The following ASB14 variants were observed in gnomAD, a reference collection of about 807,000 sequenced individuals.
ASB14 encodes the protein ankyrin repeat and SOCS box protein 14.
ASB14 carries 63 observed loss-of-function variants against 55.6 expected under a neutral mutation model. The observed-to-expected ratio is 1.13, with a 90% CI of 0.92 to 1.40. ASB14 has a LOEUF of 1.40. ASB14 is among the 40% of genes most tolerant of loss of function. ASB14 has a pLI of 0.00. For synonymous variants in ASB14, 256 were observed against 259.9 expected (o/e 0.98, Z 0.15); for missense variants, 724 against 710.4 (o/e 1.02, Z -0.22).
At position 57,269,559 on chromosome 3, in the gene ASB14, C is replaced by T. The variant is rs1234269127; in HGVS notation, c.*82G>A. On this transcript the variant is annotated 3_prime_UTR_variant, in exon 11 of 11. Coordinates refer to ENST00000487349, the MANE Select transcript of ASB14 (RefSeq NM_001142733.3). ...CCACTAGGACTTGGAAGAACAAAGTCGGTTGATAGCTGCTTCCAGTAGACC... is the reference window on the plus strand; with the variant it reads ...CCACTAGGACTTGGAAGAACAAAGTTGGTTGATAGCTGCTTCCAGTAGACC... 31 of 1,613,652 alleles carry T rather than the reference C, an allele frequency of 1.9e-5. No homozygotes were observed. Among genetic ancestry groups the T allele is most frequent in the Middle Eastern group, 1.7e-4 (1 of 6,060 alleles).
At chr3:57,269,845 A>G (rs1039289464) in intron 10 of ASB14, 31 of 856,582 alleles carry the variant, frequency 3.6e-5, no homozygotes, top group Non-Finnish European at 5.0e-5. Context: ...GAACTTGATG[A>G]CTTAGGTTTG....
At chr3:57,284,940 TG>T (rs1377336178) in intron 5 of ASB14, among the ~76,000 whole-genome samples, 3 of 57,820 alleles carry the variant, frequency 5.2e-5, no homozygotes, top group African/African-American at 1.6e-4. Flanking sequence ...TTTTCAGTGT[TG>T]TTTTTTTTTT....
rs567239734 is a variant in ASB14, at chr3:57,281,690, C to T, written c.716-1217G>A. On this transcript the variant is annotated intron_variant, in intron 6 of 10. Coordinates refer to ENST00000487349, the MANE Select transcript of ASB14 (RefSeq NM_001142733.3). ...ACAACCCCCAGCAGTAGGTGCTTAA[C>T]ATACTCATTTTAAAGATGAAGAAAC... 2.0e-5 allele frequency among the ~76,000 whole-genome samples: 3 copies of T among 152,240 alleles called. No homozygotes were observed. The South Asian group carries it at 6.2e-4, about 32-fold the overall frequency.
chr3:57,292,065 G>C lies in ASB14; in HGVS notation c.-32C>G. 1.3e-6 allele frequency: 2 copies of C among 1,524,232 alleles called. No homozygotes were observed. The highest frequency in any genetic ancestry group is 1.8e-6 in the Non-Finnish European group (2 of 1,139,596). The allele number at this position is 1,524,232 out of a possible 1,614,324, so 94.4% of individuals were successfully genotyped here. ...CGTGGACAGGTTTACTTTAAAGTCA[G>C]AGTGAATTAAAAGTATTTTTCCAGT... On this transcript the variant is annotated 5_prime_UTR_variant, in exon 2 of 11. Coordinates refer to ENST00000487349, the MANE Select transcript of ASB14 (RefSeq NM_001142733.3).
chr3:57,273,671 T>C (rs1355456176), intron 10 of ASB14, among the ~76,000 whole-genome samples: 2 of 152,188 alleles, frequency 1.3e-5, no homozygotes, highest in Non-Finnish European at 2.9e-5. Flanking sequence ...TGACTGTTTT[T>C]CTTTTAGCAA....
intron 10 of ASB14, chr3:57,272,670 G>A (rs904575541): frequency 6.6e-5 from 10 of 152,140 alleles, no homozygotes; most frequent in Non-Finnish European, 1.0e-4. Flanking sequence ...TGTGATCTTG[G>A]GTCACTGCAA....
At chr3:57,289,158 C>G in intron 2 of ASB14, 35 bp from the exon 3 acceptor site, 1 of 1,399,330 alleles carries the variant, frequency 7.1e-7, no homozygotes, top group Non-Finnish European at 9.8e-7. Context: ...AATTCCAAAA[C>G]TGAGGAGAAA....
chr3:57,268,623 C>G lies in ASB14; in HGVS notation c.*1018G>C, dbSNP rs957045529. ...CCACTTCATAAACAGATGATTCATA[C>G]CATAGCAGAAAAGGGTCACATCTGT... is the stretch of plus-strand genomic sequence containing the variant. On this transcript the variant is annotated 3_prime_UTR_variant, in exon 11 of 11. Coordinates refer to ENST00000487349, the MANE Select transcript of ASB14 (RefSeq NM_001142733.3). The G allele has an allele frequency of 1.9e-5, 19 of 983,150 alleles. No homozygotes were observed. Among genetic ancestry groups the G allele is most frequent in the African/African-American group, 1.6e-5 (1 of 61,788 alleles). 60.9% of individuals were successfully genotyped at this position (983,150 alleles called of 1,614,324 possible). A position where few individuals can be genotyped will look rare whatever the true frequency, so the allele number is the denominator to read the frequency against.
At chr3:57,285,273 A>G (rs1377500949) in intron 5 of ASB14, among the ~76,000 whole-genome samples, 1 of 150,092 alleles carries the variant, frequency 6.7e-6, no homozygotes, top group Admixed American at 6.6e-5. Context: ...TAAAAGTTAT[A>G]CATGTACAGA....
At chr3:57,283,577 A>T in intron 5 of ASB14, 138 bp from the exon 6 acceptor site, 1 of 839,010 alleles carries the variant, frequency 1.2e-6, no homozygotes, top group Non-Finnish European at 1.8e-6. Context: ...TTTAGGAAAC[A>T]GATTGTAAAG....
rs1297832386 is a variant in ASB14, at chr3:57,288,043, C to T, written c.327G>A (p.Leu109=). ...CACCATTGTGAGTGGTTTGCTCCCA[C>T]AGACTGGGGTCTGAAGCTGAAATAA... ...EITLSASDPS[L]WEQTTHNGET... is the part of the protein sequence containing the mutation. Residue 109 remains leucine (L), a synonymous_variant, in exon 5 of 11, where the codon CTG becomes CTA. Transcript: ENST00000487349. The T allele has an allele frequency of 6.5e-7, 1 of 1,537,396 alleles. No individual in the cohort carries two copies. The highest frequency in any genetic ancestry group is 2.0e-5 in the Admixed American group (1 of 51,004).
chr3:57,284,941 G>GTTT (rs10648367), intron 5 of ASB14, among the ~76,000 whole-genome samples: 13,790 of 131,990 alleles, frequency 0.1, 1,012 homozygotes, highest in African/African-American at 0.15. Flanking sequence ...TTTCAGTGTT[G>GTTT]TTTTTTTTTT....
Position 57,280,435 on chromosome 3 carries a change from T to G in ASB14, c.754A>C (p.Ile252Leu), listed in dbSNP as rs1197052762. ...CCTCCACTTGCGGCTTCAAGTAAGA[T>G]GGAAGAAGAATCAGAGGCCTGACCA... ...AHGQASDSSSILLEAASGGNP... is the reference protein window; with the variant it reads ...AHGQASDSSSLLLEAASGGNP... The change falls in exon 7 of 11, where the codon ATC becomes CTC. Residue 252 changes from isoleucine to leucine, a missense_variant. Ile to Leu is a conservative substitution (Grantham distance 5, BLOSUM62 2). Coordinates refer to ENST00000487349, the MANE Select transcript of ASB14 (RefSeq NM_001142733.3). 2 of 1,551,310 alleles carry G rather than the reference T, an allele frequency of 1.3e-6. No homozygotes were observed. Among genetic ancestry groups the G allele is most frequent in the African/African-American group, 2.7e-5 (2 of 73,032 alleles).
chr3:57,282,547 G>A (rs928271007), intron 6 of ASB14, among the ~76,000 whole-genome samples: 2 of 152,160 alleles, frequency 1.3e-5, no homozygotes, highest in African/African-American at 4.8e-5. Context: ...GGATAGGGGA[G>A]GGGGCATGTT....
intron 3 of ASB14, among the ~76,000 whole-genome samples, chr3:57,288,708 CTTTT>C (rs747854434): frequency 1.5e-4 from 15 of 102,380 alleles, no homozygotes; most frequent in African/African-American, 3.8e-4. Context: ...CATATCTTTC[CTTTT>C]TTTTTTTTTT....
At position 57,276,713 on chromosome 3, in the gene ASB14, A is replaced by G; in HGVS notation, c.1601T>C (p.Leu534Pro). The change falls in exon 10 of 11, where the codon CTA becomes CCA. Residue 534 changes from leucine to proline, a missense_variant. By Grantham distance (98) the Leu-to-Pro change is moderately conservative. Coordinates refer to ENST00000487349, the MANE Select transcript of ASB14 (RefSeq NM_001142733.3). ...GATCTTTAGGCGGCACAAATGTTTT[A>G]GGGAGCGAGGGTTTGCTAAAAAGAA... Reference protein sequence around the residue: ...IHFILTNPRSLKHLCRLKIRK... With the variant: ...IHFILTNPRSPKHLCRLKIRK... The G allele has an allele frequency of 6.2e-7, 1 of 1,608,816 alleles. No individual in the cohort carries two copies. Among genetic ancestry groups the G allele is most frequent in the Non-Finnish European group, 8.5e-7 (1 of 1,178,426 alleles).
intron 5 of ASB14, among the ~76,000 whole-genome samples, chr3:57,286,609 T>C (rs1301494268): frequency 1.3e-5 from 2 of 152,234 alleles, no homozygotes; most frequent in African/African-American, 4.8e-5. Flanking sequence ...AGGTGCTGAA[T>C]CAGTATGAAT....
At chr3:57,292,268 G>C (rs2061139107) in intron 1 of ASB14, among the ~76,000 whole-genome samples, 164 bp from the exon 2 acceptor site, 1 of 152,178 alleles carries the variant, frequency 6.6e-6, no homozygotes. Flanking sequence ...AAGTTTCCAT[G>C]AGTAGCCATT....
rs2061013186 is a variant in ASB14, at chr3:57,278,852, T to C, written c.956A>G (p.His319Arg). The C allele has an allele frequency of 1.9e-6, 3 of 1,613,598 alleles. No individual in the cohort carries two copies. Among genetic ancestry groups the C allele is most frequent in the Non-Finnish European group, 2.5e-6 (3 of 1,179,962 alleles). ...AGGATGTGCTCCTGCTGCTGCACAG[T>C]GAACTGGACTGATCCCACTCTGCTT... Reference protein sequence around the residue: ...AIKQSGISPVHCAAAGAHPQC... With the variant: ...AIKQSGISPVRCAAAGAHPQC... Residue 319 changes from histidine to arginine, a missense_variant, in exon 8 of 11, where the codon CAC (histidine) becomes CGC (arginine). Transcript: ENST00000487349.
Sources: gnomAD v4.1 joint callset for allele counts (sites outside exome capture counted in the v4.1 genomes callset) on GRCh38, gnomAD v4.1.1 for gene constraint, MANE v1.5 for transcripts, NCBI Gene and HGNC (gene_info 2026-07-23, HGNC 2026-07-21) for gene names.